The following MARCHF1 variants were observed in gnomAD, a reference collection of about 807,000 sequenced individuals.
MARCHF1 encodes membrane associated ring-CH-type finger 1, also known as E3 ubiquitin-protein ligase MARCHF1.
A neutral mutation model predicts 54.2 loss-of-function variants in MARCHF1; 40 were observed. That is an observed-to-expected ratio of 0.74 (90% confidence interval 0.57 to 0.96). The LOEUF is 0.96. MARCHF1 is among the 40% of genes least tolerant of loss of function. The pLI is 0.00. For synonymous variants in MARCHF1, 236 were observed against 236.3 expected (o/e 1.00, Z 0.01); for missense variants, 586 against 656.5 (o/e 0.89, Z 1.17).
intron 4 of MARCHF1, among the ~76,000 whole-genome samples, chr4:163,834,309 T>C (rs930692129): frequency 1.3e-5 from 2 of 151,710 alleles, no homozygotes; most frequent in African/African-American, 2.4e-5. Context: ...AACTGAGAAA[T>C]TGTGTAGAAT....
At chr4:163,634,499 A>G (rs1238295927) in intron 5 of MARCHF1, among the ~76,000 whole-genome samples, 3 of 147,644 alleles carry the variant, frequency 2.0e-5, no homozygotes, top group Admixed American at 6.8e-5. Context: ...AGAGACAAAG[A>G]AGGCCACTAC....
intron 5 of MARCHF1, among the ~76,000 whole-genome samples, chr4:163,668,984 A>C (rs1435899346): frequency 6.6e-6 from 1 of 152,180 alleles, no homozygotes; most frequent in Non-Finnish European, 1.5e-5. Context: ...CTGAAAGTTC[A>C]TGGAGCTTCT....
chr4:164,279,071 T>TA (rs1447243837), intron 1 of MARCHF1, among the ~76,000 whole-genome samples: 2 of 147,892 alleles, frequency 1.4e-5, no homozygotes, highest in Non-Finnish European at 3.0e-5. Context: ...TTAGTCAAAA[T>TA]AAAAAATCTA....
At chr4:164,222,293 C>T (rs1732137771) in intron 1 of MARCHF1, among the ~76,000 whole-genome samples, 1 of 150,858 alleles carries the variant, frequency 6.6e-6, no homozygotes, top group South Asian at 2.1e-4. Context: ...CTTCTGCTTT[C>T]CTGTTCATTT....
chr4:164,242,193 A>G (rs2111213656), intron 1 of MARCHF1, among the ~76,000 whole-genome samples: 1 of 148,700 alleles, frequency 6.7e-6, no homozygotes, highest in African/African-American at 2.5e-5. Context: ...ACAAACAAAA[A>G]GACAGCAGTA....
At chr4:164,298,667 G>A (rs561038195) in intron 1 of MARCHF1, among the ~76,000 whole-genome samples, 7 of 152,126 alleles carry the variant, frequency 4.6e-5, no homozygotes, top group Admixed American at 1.3e-4. Flanking sequence ...ATTAAAATAA[G>A]GTTTTCTTTT....
intron 3 of MARCHF1, among the ~76,000 whole-genome samples, chr4:163,881,047 T>C (rs1750404160): frequency 6.6e-6 from 1 of 152,178 alleles, no homozygotes; most frequent in South Asian, 2.1e-4. Flanking sequence ...TAAACCAGCA[T>C]CATTACAGAT....
intron 5 of MARCHF1, among the ~76,000 whole-genome samples, chr4:163,617,760 C>G (rs1335462595): frequency 6.6e-6 from 1 of 152,092 alleles, no homozygotes. Flanking sequence ...GCTACTTGCC[C>G]TCTTTGAAAA....
At chr4:164,110,496 T>G (rs1465870866) in intron 2 of MARCHF1, among the ~76,000 whole-genome samples, 1 of 151,862 alleles carries the variant, frequency 6.6e-6, no homozygotes, top group Non-Finnish European at 1.5e-5. Context: ...AACTCTTAAG[T>G]GTGTTCTTTA....
At chr4:164,116,870 TAAG>T (rs1755949028) in intron 1 of MARCHF1, among the ~76,000 whole-genome samples, 1 of 152,070 alleles carries the variant, frequency 6.6e-6, no homozygotes, top group Non-Finnish European at 1.5e-5. Context: ...ATTCCAAAAC[TAAG>T]AAGACATAAT....
intron 3 of MARCHF1, among the ~76,000 whole-genome samples, chr4:163,907,135 G>C (rs1273539594): frequency 6.6e-6 from 1 of 151,960 alleles, no homozygotes; most frequent in Non-Finnish European, 1.5e-5. Flanking sequence ...AAGCTCAGAA[G>C]TAAATTTTAT....
At chr4:163,529,587 T>G (rs1205057495) in intron 9 of MARCHF1, among the ~76,000 whole-genome samples, 1 of 151,988 alleles carries the variant, frequency 6.6e-6, no homozygotes, top group African/African-American at 2.4e-5. Context: ...CTGCCACATC[T>G]CACCAGAGAG....
chr4:163,654,859 G>A (rs1579162489), intron 5 of MARCHF1, among the ~76,000 whole-genome samples: 1 of 151,560 alleles, frequency 6.6e-6, no homozygotes, highest in South Asian at 2.1e-4. Flanking sequence ...TAAACATTGA[G>A]TATGATTTGT....
chr4:163,544,153 T>C (rs1317384081), intron 9 of MARCHF1, among the ~76,000 whole-genome samples: 1 of 152,148 alleles, frequency 6.6e-6, no homozygotes, highest in Non-Finnish European at 1.5e-5. Flanking sequence ...CCAGTACCTA[T>C]ATCAAGAGAG....
At chr4:163,660,407 G>A (rs754262614) in intron 5 of MARCHF1, among the ~76,000 whole-genome samples, 3 of 151,920 alleles carry the variant, frequency 2.0e-5, no homozygotes, top group Admixed American at 6.6e-5. Flanking sequence ...CTGTCGGTGG[G>A]TGGGGGTCAA....
chr4:164,048,321 C>T (rs911766680), intron 2 of MARCHF1, among the ~76,000 whole-genome samples: 2 of 152,042 alleles, frequency 1.3e-5, no homozygotes, highest in African/African-American at 2.4e-5. Flanking sequence ...CATAAACAGG[C>T]TCTTTGAGGC....
chr4:164,299,758 T>C (rs1045061240), intron 1 of MARCHF1, among the ~76,000 whole-genome samples: 1 of 152,184 alleles, frequency 6.6e-6, no homozygotes, highest in Admixed American at 6.5e-5. Context: ...CTCTGTGCAA[T>C]GCTATATTCA....
intron 4 of MARCHF1, among the ~76,000 whole-genome samples, chr4:163,832,933 A>T (rs1281835163): frequency 2.0e-5 from 3 of 152,048 alleles, no homozygotes; most frequent in Non-Finnish European, 4.4e-5. Flanking sequence ...TCATTTTTTA[A>T]GGCTGCATAG....
At chr4:163,928,309 A>G (rs1385348863) in intron 3 of MARCHF1, among the ~76,000 whole-genome samples, 1 of 151,922 alleles carries the variant, frequency 6.6e-6, no homozygotes, top group African/African-American at 2.4e-5. Flanking sequence ...CTTTGATTGA[A>G]GATGCTACCC....
Sources: allele counts gnomAD v4.1 joint callset (sites outside exome capture counted in the v4.1 genomes callset), GRCh38; gene constraint gnomAD v4.1.1; transcripts MANE v1.5; gene names NCBI Gene and HGNC (gene_info 2026-07-23, HGNC 2026-07-21).